The following GGT7 variants were observed in gnomAD, a reference collection of about 807,000 sequenced individuals.
GGT7 encodes the protein glutathione hydrolase 7.
In GGT7, 30 loss-of-function variants were observed where a neutral mutation model predicts 69.2. That is an observed-to-expected ratio of 0.43 (90% confidence interval 0.32 to 0.59). The LOEUF (loss-of-function observed/expected upper bound fraction) is 0.59, where lower values mean the gene tolerates loss of function less well. Among genes scored for constraint, GGT7 ranks in the 20% least tolerant of loss-of-function variants. The probability of loss-of-function intolerance (pLI) is 0.05; values close to 1 mark genes in which losing one functional copy is unlikely to be tolerated. For synonymous variants in GGT7, 388 were observed against 391.8 expected, an observed-to-expected ratio of 0.99 and a Z score of 0.12; for missense variants, 733 against 901.1, an observed-to-expected ratio of 0.81 and a Z score of 2.39.
At chr20:34,854,666 G>A in intron 9 of GGT7, 47 bp from the exon 10 acceptor site, 9 of 1,571,520 alleles carry the variant, frequency 5.7e-6, no homozygotes, top group Non-Finnish European at 7.9e-6. Flanking sequence ...GCCCCTCCCA[G>A]AACCCACACC....
intron 4 of GGT7, 108 bp downstream of exon 4, chr20:34,861,337 T>C: frequency 1.9e-6 from 1 of 522,444 alleles, no homozygotes; most frequent in East Asian, 3.0e-5. Context: ...CCTGCTCAAC[T>C]CTTTTTCCCA....
At position 34,845,269 on chromosome 20, in the gene GGT7, G is replaced by C; in HGVS notation, c.*59C>G. ...CCCCCTGAGACCAAACCTGGGAGAA[G>C]GAGGGACTCTGGGAACATGCAAAGT... is the stretch of plus-strand genomic sequence containing the variant. On this transcript the variant is annotated 3_prime_UTR_variant, in exon 15 of 15. Coordinates refer to ENST00000336431, the MANE Select transcript of GGT7 (RefSeq NM_178026.3). 1 of 1,514,884 alleles carries C rather than the reference G, an allele frequency of 6.6e-7. No individual in the cohort carries two copies. The highest frequency in any genetic ancestry group is 9.0e-7 in the Non-Finnish European group (1 of 1,114,910). 93.8% of individuals were successfully genotyped at this position (1,514,884 alleles called of 1,614,324 possible). A position where few individuals can be genotyped will look rare whatever the true frequency, so the allele number is the denominator to read the frequency against.
chr20:34,856,917 T>C (rs2079503288), intron 7 of GGT7, 24 bp from the exon 8 acceptor site: 2 of 1,424,542 alleles, frequency 1.4e-6, no homozygotes, highest in East Asian at 2.3e-5. Flanking sequence ...AATGAGGGAA[T>C]GACCTCCCAC....
chr20:34,868,020 G>T (rs2079721155), intron 1 of GGT7, among the ~76,000 whole-genome samples: 1 of 152,156 alleles, frequency 6.6e-6, no homozygotes, highest in Admixed American at 6.5e-5. Flanking sequence ...GCACCACCAT[G>T]CCCAGCTAAT....
intron 13 of GGT7, chr20:34,850,841 T>C: frequency 1.8e-6 from 1 of 545,608 alleles, no homozygotes. Context: ...CATGGAGCCA[T>C]TCTGAGGTGT....
chr20:34,861,419 C>T (rs369823105), intron 4 of GGT7, 26 bp downstream of exon 4: 1 of 1,201,920 alleles, frequency 8.3e-7, no homozygotes, highest in Non-Finnish European at 1.2e-6. Flanking sequence ...CTCCCCTGAA[C>T]TCTCTCTTCT....
At chr20:34,860,637 C>CTTTTTTTTTT (rs533561120) in intron 4 of GGT7, among the ~76,000 whole-genome samples, 26 of 113,890 alleles carry the variant, frequency 2.3e-4, no homozygotes, top group South Asian at 6.3e-4. Context: ...CAACCCCTGC[C>CTTTTTTTTTT]TTTTTTTTTT....
intron 10 of GGT7, among the ~76,000 whole-genome samples, chr20:34,854,299 G>C (rs2079449535): frequency 6.6e-6 from 1 of 152,162 alleles, no homozygotes; most frequent in African/African-American, 2.4e-5. Context: ...TTATATAGGT[G>C]CTATGCTAGC....
chr20:34,869,702 T>C (rs2079750441), intron 1 of GGT7, among the ~76,000 whole-genome samples: 1 of 151,934 alleles, frequency 6.6e-6, no homozygotes, highest in African/African-American at 2.4e-5. Context: ...CATTTGGAAA[T>C]GAGAAGAAAA....
At chr20:34,867,558 T>A (rs1039400325) in intron 1 of GGT7, among the ~76,000 whole-genome samples, 3 of 151,878 alleles carry the variant, frequency 2.0e-5, no homozygotes, top group East Asian at 1.9e-4. Flanking sequence ...TACAAAAAAA[T>A]TTTTTTAATT....
At chr20:34,862,239 G>A (rs999943550) in intron 3 of GGT7, among the ~76,000 whole-genome samples, 1 of 152,174 alleles carries the variant, frequency 6.6e-6, no homozygotes, top group Non-Finnish European at 1.5e-5. Flanking sequence ...GTGAGAATGC[G>A]GGCCCAAGTT....
intron 7 of GGT7, 144 bp downstream of exon 7, chr20:34,859,299 T>C: frequency 3.4e-6 from 2 of 594,746 alleles, no homozygotes; most frequent in Admixed American, 6.6e-5. Flanking sequence ...TTGACTATTC[T>C]AGAATTTCAA....
intron 13 of GGT7, 118 bp from the exon 14 acceptor site, chr20:34,850,178 A>G (rs888098058): frequency 1.0e-5 from 8 of 799,438 alleles, no homozygotes; most frequent in Non-Finnish European, 1.8e-5. Flanking sequence ...ACCGGGTGTC[A>G]TCTGAGCCTC....
At position 34,850,005 on chromosome 20, in the gene GGT7, C is replaced by A; in HGVS notation, c.1781G>T (p.Gly594Val). 6.2e-7 allele frequency: 1 copy of A among 1,613,844 alleles called. No homozygotes were observed. Residue 594 changes from glycine to valine, a missense_variant, in exon 14 of 15, where the codon GGC becomes GTC. Coordinates refer to ENST00000336431, the MANE Select transcript of GGT7 (RefSeq NM_178026.3). Reference sequence around the variant, plus strand: ...GGACTGCAGGTCCGGGTGTAGGCGGCCGCGGGCCAGGCTGTCACTCAGGTT... The same window carrying A: ...GGACTGCAGGTCCGGGTGTAGGCGGACGCGGGCCAGGCTGTCACTCAGGTT... ...NRNLSDSLAR[G>V]RLHPDLQSNL...
intron 14 of GGT7, among the ~76,000 whole-genome samples, chr20:34,847,486 G>T (rs1187017209): frequency 2.6e-5 from 4 of 152,112 alleles, no homozygotes; most frequent in African/African-American, 9.7e-5. Context: ...AAGACTTTTG[G>T]TAGCTCTTGA....
At chr20:34,859,295 AT>A (rs1318047120) in intron 7 of GGT7, 147 bp downstream of exon 7, 1 of 574,852 alleles carries the variant, frequency 1.7e-6, no homozygotes, top group African/African-American at 1.9e-5. Flanking sequence ...AGTTTTGACT[AT>A]TCTAGAATTT....
intron 13 of GGT7, 90 bp downstream of exon 13, chr20:34,851,141 G>T: frequency 5.3e-6 from 8 of 1,519,988 alleles, no homozygotes; most frequent in Non-Finnish European, 7.2e-6. Flanking sequence ...CATGAGGAAT[G>T]GAAACAAGCC....
rs183977537 is a variant in GGT7 at position 34,864,595 on chromosome 20, C to T, written c.170-1047G>A. 3.9e-5 allele frequency among the ~76,000 whole-genome samples: 6 copies of T among 151,952 alleles called. No individual in the cohort carries two copies. In the East Asian group the frequency reaches 1.2e-3, roughly 30 times the overall value. ...AATTAGCTGGGCATGGTGATGTGTG[C>T]CTCTAATTCCAGCTACTTGGGAGGC... On this transcript the variant is annotated intron_variant, in intron 1 of 14. Coordinates refer to ENST00000336431, the MANE Select transcript of GGT7 (RefSeq NM_178026.3).
chr20:34,850,046 G>A lies in GGT7; in HGVS notation c.1740C>T (p.Val580=). 1.2e-6 allele frequency: 2 copies of A among 1,613,476 alleles called. No individual in the cohort carries two copies. Among genetic ancestry groups the A allele is most frequent in the South Asian group, 1.1e-5 (1 of 91,060 alleles). ...LSGLTQVLLN[V]LTLNRNLSDS... is the part of the protein sequence containing the mutation. ...CACTCAGGTTCCGGTTCAAGGTCAG[G>A]ACATTCAGCAGAACCTGTGGTAGCC... Residue 580 remains valine, a synonymous_variant, in exon 14 of 15, where the codon GTC becomes GTT. Transcript: ENST00000336431.
Sources: gnomAD v4.1 joint callset for allele counts (sites outside exome capture counted in the v4.1 genomes callset) on GRCh38, gnomAD v4.1.1 for gene constraint, MANE v1.5 for transcripts, NCBI Gene and HGNC (gene_info 2026-07-23, HGNC 2026-07-21) for gene names.